Variants in PDGFD observed in about 807,000 individuals in gnomAD.
The protein encoded by PDGFD is platelet-derived growth factor D.
A neutral mutation model predicts 44.7 loss-of-function variants in PDGFD; 30 were observed. The observed-to-expected ratio is 0.67, with a 90% CI of 0.50 to 0.91. The LOEUF (loss-of-function observed/expected upper bound fraction) is 0.91, where lower values mean the gene tolerates loss of function less well. Among genes scored for constraint, PDGFD ranks in the 40% least tolerant of loss-of-function variants. The pLI, the probability that PDGFD is intolerant of heterozygous loss-of-function variation, is 0.00. For synonymous variants in PDGFD, 173 were observed against 168.4 expected (o/e 1.03, Z -0.21); for missense variants, 445 against 457.8 (o/e 0.97, Z 0.25).
chr11:103,975,225 A>T (rs765936677), intron 3 of PDGFD, among the ~76,000 whole-genome samples: 7 of 152,122 alleles, frequency 4.6e-5, no homozygotes, highest in Non-Finnish European at 1.0e-4. Flanking sequence ...TTTGCTTTGC[A>T]TTTCTCTAAT....
chr11:104,027,375 AGG>A (rs1244098956), intron 1 of PDGFD, among the ~76,000 whole-genome samples: 6 of 152,226 alleles, frequency 3.9e-5, no homozygotes, highest in Non-Finnish European at 7.3e-5. Flanking sequence ...TGACTTTTCC[AGG>A]TTATTAATTA....
chr11:104,039,955 C>T (rs1860321505), intron 1 of PDGFD, among the ~76,000 whole-genome samples: 1 of 152,060 alleles, frequency 6.6e-6, no homozygotes, highest in African/African-American at 2.4e-5. Context: ...TCTGACCATA[C>T]CCACCCTACC....
At chr11:103,928,206 C>T (rs1210124982) in intron 5 of PDGFD, among the ~76,000 whole-genome samples, 1 of 152,218 alleles carries the variant, frequency 6.6e-6, no homozygotes, top group Non-Finnish European at 1.5e-5. Context: ...AATTATCCAT[C>T]CATTTGGCAG....
intron 1 of PDGFD, among the ~76,000 whole-genome samples, chr11:104,048,792 A>G (rs568957442): frequency 6.6e-6 from 1 of 152,336 alleles, no homozygotes; most frequent in African/African-American, 2.4e-5. Flanking sequence ...CCGGAATTAG[A>G]AAAATAGTGG....
At chr11:104,162,780 G>A (rs1366016543) in intron 1 of PDGFD, among the ~76,000 whole-genome samples, 1 of 152,198 alleles carries the variant, frequency 6.6e-6, no homozygotes, top group Non-Finnish European at 1.5e-5. Flanking sequence ...ACTGTCAGCT[G>A]AAACTGTGAA....
At chr11:104,037,499 A>AC (rs748122182) in intron 1 of PDGFD, 3 of 1,614,154 alleles carry the variant, frequency 1.9e-6, no homozygotes, top group African/African-American at 2.7e-5. Context: ...ATTGAAGAAA[A>AC]CATGAATATA....
At chr11:103,967,406 G>T (rs996384653) in intron 3 of PDGFD, among the ~76,000 whole-genome samples, 1 of 152,120 alleles carries the variant, frequency 6.6e-6, no homozygotes, top group Non-Finnish European at 1.5e-5. Context: ...CCCAACTTCT[G>T]CAACTCCCTC....
At chr11:104,055,595 C>A (rs1228932472) in intron 1 of PDGFD, among the ~76,000 whole-genome samples, 2 of 152,098 alleles carry the variant, frequency 1.3e-5, no homozygotes, top group Admixed American at 1.3e-4. Context: ...TTAAATAAAT[C>A]ATAACTCTAT....
rs773549416 is a variant in PDGFD at position 103,996,270 on chromosome 11, C to T, written c.330-25G>A. The T allele has an allele frequency of 1.3e-5, 20 of 1,573,382 alleles. No homozygotes were observed. The Admixed American group carries it at 3.7e-4, about 29-fold the overall frequency. ...CCTAGAATCAATTGGACATAATGAA[C>T]AAGTTTTGATTAAAGTAGATTTTGA... is the stretch of plus-strand genomic sequence containing the variant. On this transcript the variant is annotated intron_variant, in intron 2 of 6. Transcript: ENST00000393158.
chr11:104,006,856 C>T (rs887001764), intron 1 of PDGFD, among the ~76,000 whole-genome samples: 1 of 152,140 alleles, frequency 6.6e-6, no homozygotes, highest in African/African-American at 2.4e-5. Context: ...TCAATAAAAC[C>T]CCCACATTCA....
intron 2 of PDGFD, among the ~76,000 whole-genome samples, chr11:103,996,657 T>C (rs1225417240): frequency 6.6e-6 from 1 of 152,250 alleles, no homozygotes; most frequent in Non-Finnish European, 1.5e-5. Flanking sequence ...ATTAATTTAC[T>C]GCATTCGGTG....
chr11:103,914,945 T>C (rs1485051375), intron 6 of PDGFD, among the ~76,000 whole-genome samples: 2 of 152,122 alleles, frequency 1.3e-5, no homozygotes, highest in East Asian at 3.9e-4. Context: ...ATGGAATGTA[T>C]CTCAAAATAA....
At position 104,074,522 on chromosome 11, in the gene PDGFD, A is replaced by G. The variant is rs79114756; in HGVS notation, c.125-74267T>C. On this transcript the variant is annotated intron_variant, in intron 1 of 6. Transcript: ENST00000393158. ...AATTTAAATGAATGAATAGGAACCA[A>G]AAACATCTGTGAAGAAAAGCAGGCA... Among the ~76,000 whole-genome samples, 183 of 152,356 alleles carry G rather than the reference A, an allele frequency of 1.2e-3. 1 individual carries two copies. Among genetic ancestry groups the G allele is most frequent in the African/African-American group, 3.2e-3 (131 of 41,578 alleles).
intron 3 of PDGFD, among the ~76,000 whole-genome samples, chr11:103,968,559 A>T (rs1190589805): frequency 6.6e-6 from 1 of 152,140 alleles, no homozygotes; most frequent in African/African-American, 2.4e-5. Context: ...TTAATCTCTA[A>T]ATCCTTCAGG....
Position 104,103,462 on chromosome 11 carries a change from G to GTGTATA in PDGFD, c.124+60341_124+60342insTATACA, listed in dbSNP as rs1041388346. 9.1e-4 allele frequency among the ~76,000 whole-genome samples: 121 copies of GTGTATA among 133,244 alleles called. No homozygotes were observed. The East Asian group carries it at 0.014, about 15-fold the overall frequency. 87.4% of individuals were successfully genotyped at this position (133,244 alleles called of 152,430 possible). On this transcript the variant is annotated intron_variant, in intron 1 of 6. Transcript: ENST00000393158. ...AACAGACAATTATGTGTGTGTGTGT[G>GTGTATA]TATATATATATATATATATATATAT...
chr11:103,909,882 C>T (rs4754997), intron 6 of PDGFD, 63 bp from the exon 7 acceptor site: 742,924 of 1,596,012 alleles, frequency 0.47, 174,716 homozygotes, highest in South Asian at 0.48. Flanking sequence ...CAGATGCCAC[C>T]TACTTATTAC....
intron 3 of PDGFD, among the ~76,000 whole-genome samples, chr11:103,964,046 C>G (rs1858978181): frequency 6.6e-6 from 1 of 152,134 alleles, no homozygotes; most frequent in African/African-American, 2.4e-5. Context: ...GAGCTTCTCC[C>G]TAGTGCCCTC....
intron 1 of PDGFD, among the ~76,000 whole-genome samples, chr11:104,052,551 T>C (rs1860557031): frequency 6.6e-6 from 1 of 151,946 alleles, no homozygotes. Flanking sequence ...CCAGGGAAGG[T>C]GCTCAGTAAG....
At chr11:103,971,335 A>G (rs1358750452) in intron 3 of PDGFD, among the ~76,000 whole-genome samples, 1 of 152,174 alleles carries the variant, frequency 6.6e-6, no homozygotes, top group Non-Finnish European at 1.5e-5. Flanking sequence ...ATCCTAAACT[A>G]TCAGCCCTTG....
Sources: allele counts gnomAD v4.1 joint callset (sites outside exome capture counted in the v4.1 genomes callset), GRCh38; gene constraint gnomAD v4.1.1; transcripts MANE v1.5; gene names NCBI Gene and HGNC (gene_info 2026-07-23, HGNC 2026-07-21).